Variants in EXOC6B observed in about 807,000 individuals in gnomAD.
EXOC6B encodes the protein SEC15 homolog B.
Under a neutral mutation model 113.5 loss-of-function variants are expected in EXOC6B, and 54 were observed. The observed-to-expected ratio is 0.48, with a 90% CI of 0.38 to 0.60. EXOC6B has a LOEUF of 0.60. Among genes scored for constraint, EXOC6B ranks in the 20% least tolerant of loss-of-function variants. The pLI is 0.00. For missense variants in EXOC6B, 797 were observed against 977.5 expected, an observed-to-expected ratio of 0.82 and a Z score of 2.46; for synonymous variants, 357 against 339.0, an observed-to-expected ratio of 1.05 and a Z score of -0.58.
intron 8 of EXOC6B, among the ~76,000 whole-genome samples, chr2:72,525,379 G>A (rs906318803): frequency 7.9e-5 from 12 of 152,054 alleles, no homozygotes; most frequent in African/African-American, 2.9e-4. Context: ...TTTGACCCAA[G>A]ATGATAAACA....
chr2:72,190,779 T>G (rs1239314179), intron 20 of EXOC6B, among the ~76,000 whole-genome samples: 1 of 152,226 alleles, frequency 6.6e-6, no homozygotes, highest in Non-Finnish European at 1.5e-5. Flanking sequence ...TCATTCCTCA[T>G]TAATGATTAT....
intron 21 of EXOC6B, among the ~76,000 whole-genome samples, chr2:72,182,390 T>A (rs1420358154): frequency 6.6e-6 from 1 of 152,158 alleles, no homozygotes; most frequent in Non-Finnish European, 1.5e-5. Flanking sequence ...ATATGACCAT[T>A]AAATATGACC....
intron 19 of EXOC6B, among the ~76,000 whole-genome samples, chr2:72,345,304 A>C (rs1175902905): frequency 6.6e-6 from 1 of 152,140 alleles, no homozygotes; most frequent in Middle Eastern, 3.2e-3. Context: ...TACTCTTATC[A>C]TCAGCCCAGT....
At chr2:72,817,476 T>C (rs567756079) in intron 1 of EXOC6B, among the ~76,000 whole-genome samples, 1 of 152,356 alleles carries the variant, frequency 6.6e-6, no homozygotes, top group African/African-American at 2.4e-5. Context: ...ATACAATTTT[T>C]TAATTCTTCT....
intron 17 of EXOC6B, among the ~76,000 whole-genome samples, chr2:72,472,904 A>G (rs1698498125): frequency 6.6e-6 from 1 of 152,112 alleles, no homozygotes; most frequent in Non-Finnish European, 1.5e-5. Context: ...TCCAAAAAAC[A>G]TTTATTTCCA....
At chr2:72,654,601 G>T (rs1193131494) in intron 6 of EXOC6B, among the ~76,000 whole-genome samples, 2 of 152,156 alleles carry the variant, frequency 1.3e-5, no homozygotes, top group Non-Finnish European at 2.9e-5. Flanking sequence ...TTTATGGATT[G>T]TATGTGAAAT....
intron 6 of EXOC6B, among the ~76,000 whole-genome samples, chr2:72,668,880 G>T (rs114645301): frequency 0.034 from 5,150 of 152,056 alleles, 308 homozygotes; most frequent in African/African-American, 0.12. Flanking sequence ...CGCAATATAC[G>T]TTTGTAATAA....
At chr2:72,279,677 G>A (rs1685013541) in intron 20 of EXOC6B, among the ~76,000 whole-genome samples, 1 of 152,018 alleles carries the variant, frequency 6.6e-6, no homozygotes, top group Non-Finnish European at 1.5e-5. Flanking sequence ...ACAATGGTGT[G>A]ATCTCAGCTC....
At chr2:72,281,782 T>C (rs1343426064) in intron 20 of EXOC6B, among the ~76,000 whole-genome samples, 1 of 152,184 alleles carries the variant, frequency 6.6e-6, no homozygotes, top group Non-Finnish European at 1.5e-5. Context: ...AAGAAAACCA[T>C]GTGCCAAGGC....
At chr2:72,731,742 C>A (rs1295518830) in intron 3 of EXOC6B, among the ~76,000 whole-genome samples, 1 of 152,210 alleles carries the variant, frequency 6.6e-6, no homozygotes, top group African/African-American at 2.4e-5. Flanking sequence ...CATCTACTTG[C>A]AGCATTCATC....
intron 16 of EXOC6B, among the ~76,000 whole-genome samples, chr2:72,481,879 CTA>C (rs1699120451): frequency 6.6e-6 from 1 of 152,082 alleles, no homozygotes; most frequent in African/African-American, 2.4e-5. Context: ...AGAAGAATAA[CTA>C]TTATTGTCTG....
chr2:72,691,675 A>G (rs1046249574), intron 6 of EXOC6B, among the ~76,000 whole-genome samples: 12 of 150,908 alleles, frequency 8.0e-5, no homozygotes, highest in Non-Finnish European at 8.8e-5. Context: ...ACAATGTTGT[A>G]TATCTATTTT....
Position 72,601,165 on chromosome 2 carries a change from T to C in EXOC6B, c.670-25497A>G, listed in dbSNP as rs56160074. Among the ~76,000 whole-genome samples, 1,218 of 146,950 alleles carry C rather than the reference T, an allele frequency of 8.3e-3. 18 individuals are homozygous for C. Among genetic ancestry groups the C allele is most frequent in the Non-Finnish European group, 0.011 (738 of 65,730 alleles). The stretch of plus-strand genomic sequence containing the variant: ...GTGTGTGTGTGTGTGTGTGTGTGTG[T>C]GTGTGTGTGTGTATATCTTTTTTTC... On this transcript the variant is annotated intron_variant, in intron 6 of 21. Transcript: ENST00000272427.
At chr2:72,799,110 C>T (rs766996864) in intron 1 of EXOC6B, among the ~76,000 whole-genome samples, 5 of 151,526 alleles carry the variant, frequency 3.3e-5, no homozygotes, top group Non-Finnish European at 5.9e-5. Flanking sequence ...CATGGTAGCG[C>T]GCTCCTGTTG....
intron 20 of EXOC6B, among the ~76,000 whole-genome samples, chr2:72,284,731 A>C (rs982310885): frequency 6.6e-6 from 1 of 152,070 alleles, no homozygotes; most frequent in Admixed American, 6.6e-5. Flanking sequence ...AGAAAATCCA[A>C]AAGTACTGAC....
chr2:72,382,531 A>G (rs550563349), intron 18 of EXOC6B, among the ~76,000 whole-genome samples: 1 of 152,176 alleles, frequency 6.6e-6, no homozygotes, highest in East Asian at 1.9e-4. Flanking sequence ...TTTTGGTTCT[A>G]TATACATTTT....
intron 8 of EXOC6B, chr2:72,515,520 A>C: frequency 9.8e-7 from 1 of 1,024,650 alleles, no homozygotes; most frequent in South Asian, 3.8e-5. Flanking sequence ...CAAGAATAAA[A>C]ATGAATCATG....
intron 19 of EXOC6B, among the ~76,000 whole-genome samples, chr2:72,341,233 T>C (rs184941571): frequency 6.6e-6 from 1 of 152,176 alleles, no homozygotes; most frequent in Non-Finnish European, 1.5e-5. Flanking sequence ...ATTGTGCCTA[T>C]AATGAACAAT....
intron 2 of EXOC6B, among the ~76,000 whole-genome samples, chr2:72,739,081 C>T (rs1490646239): frequency 6.6e-6 from 1 of 152,080 alleles, no homozygotes; most frequent in East Asian, 1.9e-4. Flanking sequence ...AATACTTTCC[C>T]ATGTCAAATA....
Sources: gnomAD v4.1 joint callset for allele counts (sites outside exome capture counted in the v4.1 genomes callset) on GRCh38, gnomAD v4.1.1 for gene constraint, MANE v1.5 for transcripts, NCBI Gene and HGNC (gene_info 2026-07-23, HGNC 2026-07-21) for gene names.